Variants in EFHD2 observed in about 807,000 individuals in gnomAD.
EFHD2 encodes EF-hand domain family member D2.
In EFHD2, 12 loss-of-function variants were observed where a neutral mutation model predicts 20.3. That is an observed-to-expected ratio of 0.59 (90% confidence interval 0.38 to 0.96). The LOEUF (loss-of-function observed/expected upper bound fraction) is 0.96. EFHD2 is among the 40% of genes least tolerant of loss of function. EFHD2 has a pLI of 0.00. For missense variants in EFHD2, 250 were observed against 334.3 expected (o/e 0.75, Z 1.97); for synonymous variants, 131 against 143.9 (o/e 0.91, Z 0.64).
At chr1:15,417,200 T>TC (rs1014329876) in intron 1 of EFHD2, among the ~76,000 whole-genome samples, 3 of 152,160 alleles carry the variant, frequency 2.0e-5, no homozygotes, top group African/African-American at 7.2e-5. Flanking sequence ...CACAGCCGTC[T>TC]CCCCACCACT....
At chr1:15,419,617 G>A (rs1707753990) in intron 1 of EFHD2, among the ~76,000 whole-genome samples, 1 of 152,194 alleles carries the variant, frequency 6.6e-6, no homozygotes, top group Admixed American at 6.5e-5. Flanking sequence ...GCCCACTGTG[G>A]GCCCCAGTTT....
In EFHD2 at chr1:15,414,757, T is replaced by C. The variant is rs972936892; in HGVS notation, c.308+4478T>C. Among the ~76,000 whole-genome samples the C allele has an allele frequency of 4.6e-5, 7 of 152,224 alleles. No homozygotes were observed. In the East Asian group the frequency reaches 1.2e-3, roughly 25 times the overall value. On this transcript the variant is annotated intron_variant, in intron 1 of 3. Coordinates refer to ENST00000375980, the MANE Select transcript of EFHD2 (RefSeq NM_024329.6). ...GGTTAGAGCCCTCCTTCTCTCCTGCTGAACAGCCACTCTGATTGACAGCTA... is the reference window on the plus strand; with the variant it reads ...GGTTAGAGCCCTCCTTCTCTCCTGCCGAACAGCCACTCTGATTGACAGCTA...
rs563760686 is a variant in EFHD2, at chr1:15,421,556, G to A, written c.309-4315G>A. Among the ~76,000 whole-genome samples the A allele has an allele frequency of 2.6e-5, 4 of 152,292 alleles. No individual in the cohort carries two copies. In the South Asian group the frequency reaches 6.2e-4, roughly 24 times the overall value. On this transcript the variant is annotated intron_variant, in intron 1 of 3. Coordinates refer to ENST00000375980, the MANE Select transcript of EFHD2 (RefSeq NM_024329.6). ...TGGCCTTTGATTGATAGAGGCGGCCGTTCAAATCATGGTTTGAGCCACAGC... is the reference window on the plus strand; with the variant it reads ...TGGCCTTTGATTGATAGAGGCGGCCATTCAAATCATGGTTTGAGCCACAGC...
chr1:15,418,546 C>T (rs1475910309), intron 1 of EFHD2, among the ~76,000 whole-genome samples: 3 of 151,956 alleles, frequency 2.0e-5, no homozygotes, highest in African/African-American at 7.3e-5. Flanking sequence ...ACCTTGTGAT[C>T]CGCCCGCCTT....
chr1:15,410,210 T>G lies in EFHD2; in HGVS notation c.239T>G (p.Phe80Cys). The G allele has an allele frequency of 6.2e-7, 1 of 1,605,940 alleles. No individual in the cohort carries two copies. Residue 80 changes from phenylalanine (F) to cysteine (C), a missense_variant, in exon 1 of 4, where the codon TTC (phenylalanine) becomes TGC (cysteine). Transcript: ENST00000375980. ...CCCCAGTCGCCCAGCCGCCGCGTCTTCAACCCCTACACCGAGTTCAAGGAG... is the reference window on the plus strand; with the variant it reads ...CCCCAGTCGCCCAGCCGCCGCGTCTGCAACCCCTACACCGAGTTCAAGGAG... ...GEPQSPSRRV[F>C]NPYTEFKEFS...
chr1:15,413,758 A>G lies in EFHD2; in HGVS notation c.308+3479A>G, dbSNP rs1707593300. On this transcript the variant is annotated intron_variant, in intron 1 of 3. Transcript: ENST00000375980. This position sits in a 1 kb window ranked among gnomAD's most constrained non-coding sequence, Gnocchi z 4.4. ...CTCAGTGAGGCTGAAACCTTGTATG[A>G]TGAGGAGAGTGGTCCCGGTGTCTCA... is the stretch of plus-strand genomic sequence containing the variant. 6.6e-6 allele frequency among the ~76,000 whole-genome samples: 1 copy of G among 152,162 alleles called. No homozygotes were observed. Among genetic ancestry groups the G allele is most frequent in the South Asian group, 2.1e-4 (1 of 4,830 alleles).
chr1:15,424,949 C>T (rs574972587), intron 1 of EFHD2, among the ~76,000 whole-genome samples: 4 of 152,118 alleles, frequency 2.6e-5, no homozygotes, highest in Non-Finnish European at 4.4e-5. Context: ...TGGGGACATT[C>T]GACAATGTCT....
At chr1:15,424,001 G>A (rs1707833820) in intron 1 of EFHD2, among the ~76,000 whole-genome samples, 1 of 151,916 alleles carries the variant, frequency 6.6e-6, no homozygotes, top group African/African-American at 2.4e-5. Context: ...ACCAGCCTGG[G>A]CAACATATTG....
intron 1 of EFHD2, among the ~76,000 whole-genome samples, 185 bp downstream of exon 1, chr1:15,410,464 G>T (rs1245506895): frequency 1.3e-5 from 2 of 151,872 alleles, no homozygotes; most frequent in Non-Finnish European, 1.5e-5. Flanking sequence ...ATCTCACCGC[G>T]CACGTTAGTC....
intron 1 of EFHD2, among the ~76,000 whole-genome samples, chr1:15,415,551 T>G (rs1393175487): frequency 2.6e-5 from 4 of 151,250 alleles, no homozygotes; most frequent in Admixed American, 6.6e-5. Flanking sequence ...TACAGTGGCA[T>G]GATCTTGGCT....
rs557352687 is a variant in EFHD2 at position 15,427,269 on chromosome 1, C to T, written c.576C>T (p.Ser192=). ...GTGAGGGTGTCAAGGGGGCCAAGAG[C>T]TTCTTTGAGGCCAAGGTGAGGAGCC... ...VSSEGVKGAK[S]FFEAKVQAIN... is the part of the protein sequence containing the mutation. Residue 192 remains serine, a synonymous_variant, in exon 3 of 4, where the codon AGC becomes AGT. Coordinates refer to ENST00000375980, the MANE Select transcript of EFHD2 (RefSeq NM_024329.6). 4 of 1,606,874 alleles carry T rather than the reference C, an allele frequency of 2.5e-6. No individual in the cohort carries two copies. The highest frequency in any genetic ancestry group is 3.4e-6 in the Non-Finnish European group (4 of 1,177,256).
At chr1:15,424,106 C>T (rs376608584) in intron 1 of EFHD2, among the ~76,000 whole-genome samples, 9 of 150,576 alleles carry the variant, frequency 6.0e-5, no homozygotes, top group Non-Finnish European at 8.9e-5. Flanking sequence ...GCGGGAGGAT[C>T]GCTTGAGCCC....
At chr1:15,414,386 A>C (rs1707612321) in intron 1 of EFHD2, among the ~76,000 whole-genome samples, 1 of 152,250 alleles carries the variant, frequency 6.6e-6, no homozygotes, top group South Asian at 2.1e-4. Flanking sequence ...TGGAGTCTGC[A>C]GCCCTGGGTT....
At chr1:15,410,427 G>C in intron 1 of EFHD2, 148 bp downstream of exon 1, 1 of 1,039,492 alleles carries the variant, frequency 9.6e-7, no homozygotes, top group Admixed American at 3.3e-5. Flanking sequence ...TGGGGACCCG[G>C]CGGCCCCTTC....
chr1:15,422,729 C>T lies in EFHD2; in HGVS notation c.309-3142C>T, dbSNP rs377555903. On this transcript the variant is annotated intron_variant, in intron 1 of 3. Transcript: ENST00000375980. ...ACAAAAAATTAGCCGAGCGTGGTGG[C>T]GGGCACCTGTAGTCGCAGCTACTCA... 1.8e-4 allele frequency among the ~76,000 whole-genome samples: 27 copies of T among 152,162 alleles called. 1 individual carries two copies. In the South Asian group the frequency reaches 5.0e-3, roughly 28 times the overall value.
At position 15,429,093 on chromosome 1, in the gene EFHD2, T is replaced by TC; in HGVS notation, c.*375dup. 4.3e-6 allele frequency: 1 copy of TC among 231,242 alleles called. No homozygotes were observed. The highest frequency in any genetic ancestry group is 8.8e-6 in the Non-Finnish European group (1 of 114,128). 14.3% of individuals were successfully genotyped at this position (231,242 alleles called of 1,614,324 possible). ...GCCGCCTGCCCTCCACACATCCCTG[T>TC]CCCCCCAACCCGGGAACCCCTGCCC... On this transcript the variant is annotated 3_prime_UTR_variant, in exon 4 of 4. Coordinates refer to ENST00000375980, the MANE Select transcript of EFHD2 (RefSeq NM_024329.6).
rs891949891 is a variant in EFHD2, at chr1:15,426,882, C to T, written c.457-268C>T. On this transcript the variant is annotated intron_variant, in intron 2 of 3. Transcript: ENST00000375980. This position sits in a 1 kb window ranked among gnomAD's most constrained non-coding sequence, Gnocchi z 4.6. ...ACAGAGGTAAGAGGTAGGCTGAGGC[C>T]GTGTCGTCGGGAGCTGGTGTGGGCG... is the stretch of plus-strand genomic sequence containing the variant. 3.3e-5 allele frequency among the ~76,000 whole-genome samples: 5 copies of T among 152,150 alleles called. No individual in the cohort carries two copies. Among genetic ancestry groups the T allele is most frequent in the African/African-American group, 9.7e-5 (4 of 41,430 alleles).
rs550087619 is a variant in EFHD2 at position 15,418,513 on chromosome 1, G to A, written c.309-7358G>A. On this transcript the variant is annotated intron_variant, in intron 1 of 3. Coordinates refer to ENST00000375980, the MANE Select transcript of EFHD2 (RefSeq NM_024329.6). ...GTAGAGACGGGGTTTCACCGTGTTA[G>A]CCAGGATGGTCTCAATCTCCTGACC... is the stretch of plus-strand genomic sequence containing the variant. Among the ~76,000 whole-genome samples, 86 of 150,974 alleles carry A rather than the reference G, an allele frequency of 5.7e-4. 1 individual carries two copies. The highest frequency in any genetic ancestry group is 8.5e-4 in the African/African-American group (35 of 41,000).
At position 15,429,414 on chromosome 1, in the gene EFHD2, G is replaced by A. The variant is rs984750884; in HGVS notation, c.*690G>A. The A allele has an allele frequency of 1.3e-5, 2 of 152,822 alleles. No homozygotes were observed. Among genetic ancestry groups the A allele is most frequent in the African/African-American group, 4.8e-5 (2 of 41,464 alleles). The allele number at this position is 152,822 out of a possible 1,614,324, so 9.5% of individuals were successfully genotyped here. On this transcript the variant is annotated 3_prime_UTR_variant, in exon 4 of 4. Coordinates refer to ENST00000375980, the MANE Select transcript of EFHD2 (RefSeq NM_024329.6). Reference sequence around the variant, plus strand: ...GGGCCCAGCCAGGCAGGGTGTGGGGGCAGCTGTGCCAATCTACCTCACAGG... The same window carrying A: ...GGGCCCAGCCAGGCAGGGTGTGGGGACAGCTGTGCCAATCTACCTCACAGG...
Sources: allele counts gnomAD v4.1 joint callset (sites outside exome capture counted in the v4.1 genomes callset), GRCh38; gene constraint gnomAD v4.1.1; non-coding constraint Gnocchi (gnomAD v3.1); transcripts MANE v1.5; gene names NCBI Gene and HGNC (gene_info 2026-07-23, HGNC 2026-07-21).